Variants in SYNPR observed in about 807,000 individuals in gnomAD.
The protein encoded by SYNPR is synaptoporin.
In SYNPR, 23 loss-of-function variants were observed where a neutral mutation model predicts 32.9. The observed-to-expected ratio is 0.70, with a 90% CI of 0.50 to 0.99. The LOEUF is 0.99. SYNPR is among the 50% of genes least tolerant of loss of function. The probability of loss-of-function intolerance (pLI) is 0.00; values close to 1 mark genes in which losing one functional copy is unlikely to be tolerated. For missense variants in SYNPR, 318 were observed against 349.3 expected (o/e 0.91, Z 0.71); for synonymous variants, 146 against 135.9 (o/e 1.07, Z -0.52).
intron 2 of SYNPR, among the ~76,000 whole-genome samples, chr3:63,341,466 C>T (rs761059216): frequency 1.3e-5 from 2 of 152,178 alleles, no homozygotes; most frequent in Non-Finnish European, 2.9e-5. Flanking sequence ...TTTGTGTCTC[C>T]ACCATCAGTG....
At chr3:63,546,378 G>C (rs1175418599) in intron 3 of SYNPR, among the ~76,000 whole-genome samples, 1 of 152,036 alleles carries the variant, frequency 6.6e-6, no homozygotes, top group Non-Finnish European at 1.5e-5. Flanking sequence ...CCAAACTGTA[G>C]GGAGGAGTGA....
At chr3:63,326,962 T>C (rs1346076276) in intron 2 of SYNPR, among the ~76,000 whole-genome samples, 1 of 151,876 alleles carries the variant, frequency 6.6e-6, no homozygotes, top group Non-Finnish European at 1.5e-5. Flanking sequence ...AAGCCAATAA[T>C]AATACTTTCT....
intron 2 of SYNPR, among the ~76,000 whole-genome samples, chr3:63,369,942 G>C (rs959082755): frequency 6.6e-6 from 1 of 152,072 alleles, no homozygotes; most frequent in African/African-American, 2.4e-5. Context: ...GCTTCTTCAG[G>C]TTCTCGTCTT....
At chr3:63,529,508 T>C (rs1264151283) in intron 3 of SYNPR, among the ~76,000 whole-genome samples, 1 of 152,160 alleles carries the variant, frequency 6.6e-6, no homozygotes, top group African/African-American at 2.4e-5. Flanking sequence ...AGAGATTCTG[T>C]GGCTTCCCCG....
intron 2 of SYNPR, among the ~76,000 whole-genome samples, chr3:63,281,918 C>T (rs568216158): frequency 6.6e-6 from 1 of 152,280 alleles, no homozygotes; most frequent in Admixed American, 6.5e-5. Flanking sequence ...GATGGTGGCT[C>T]ATGCCTATAA....
intron 3 of SYNPR, among the ~76,000 whole-genome samples, chr3:63,531,890 C>G (rs987730789): frequency 6.6e-6 from 1 of 152,126 alleles, no homozygotes; most frequent in Non-Finnish European, 1.5e-5. Context: ...TTAGAAATCC[C>G]ATTGAAATTT....
chr3:63,487,601 C>G (rs553644933), intron 3 of SYNPR, among the ~76,000 whole-genome samples: 2 of 152,184 alleles, frequency 1.3e-5, no homozygotes, highest in African/African-American at 4.8e-5. Context: ...TTCCCCAACC[C>G]TGCCTCTGCC....
intron 4 of SYNPR, among the ~76,000 whole-genome samples, chr3:63,561,223 G>A (rs900490128): frequency 6.6e-6 from 1 of 152,176 alleles, no homozygotes; most frequent in African/African-American, 2.4e-5. Context: ...TTGTAGGGAA[G>A]TGACAAGGAC....
rs181694772 is a variant in SYNPR, at chr3:63,563,833, G to T, written c.408+7092G>T. On this transcript the variant is annotated intron_variant, in intron 4 of 5. Coordinates refer to ENST00000478300, the MANE Select transcript of SYNPR (RefSeq NM_001130003.2). ...AGGAGGTGCATAATCTTGCCTAGAA[G>T]TGAGGGCATGCCCTTTTCAGGTCTC... Among the ~76,000 whole-genome samples the T allele has an allele frequency of 1.1e-4, 17 of 152,206 alleles. No homozygotes were observed. In the East Asian group the frequency reaches 3.3e-3, roughly 29 times the overall value.
chr3:63,452,937 C>T (rs995838602), intron 2 of SYNPR, among the ~76,000 whole-genome samples: 1 of 152,096 alleles, frequency 6.6e-6, no homozygotes, highest in Non-Finnish European at 1.5e-5. Context: ...TAAAATGGAA[C>T]TTTGTATGTA....
At chr3:63,587,050 T>C (rs186314566) in intron 4 of SYNPR, among the ~76,000 whole-genome samples, 79 of 152,138 alleles carry the variant, frequency 5.2e-4, no homozygotes, top group African/African-American at 1.9e-3. Context: ...ACACTTTAGG[T>C]TGGAAAAGTT....
chr3:63,314,889 C>T (rs954902118), intron 2 of SYNPR, among the ~76,000 whole-genome samples: 1 of 151,968 alleles, frequency 6.6e-6, no homozygotes, highest in African/African-American at 2.4e-5. Context: ...TCATCTAAAT[C>T]CAGCTTGAGT....
intron 2 of SYNPR, among the ~76,000 whole-genome samples, chr3:63,411,390 T>C (rs1306435957): frequency 6.6e-6 from 1 of 152,100 alleles, no homozygotes; most frequent in African/African-American, 2.4e-5. Context: ...GGCTCCACGC[T>C]AGGCAGTGGT....
At position 63,369,497 on chromosome 3, in the gene SYNPR, AATAAC is replaced by A. The variant is rs2087769708; in HGVS notation, c.84+90760_84+90764del. 2.6e-5 allele frequency among the ~76,000 whole-genome samples: 4 copies of A among 152,332 alleles called. No homozygotes were observed. The South Asian group carries it at 8.3e-4, about 32-fold the overall frequency. On this transcript the variant is annotated intron_variant, in intron 2 of 5. Transcript: ENST00000478300. ...TAAAACAATTAAATGCTTATGGCCAAATAACATAAGCTATGTGATATTTCTTTATC... is the reference window on the plus strand; with the variant it reads ...TAAAACAATTAAATGCTTATGGCCAAATAAGCTATGTGATATTTCTTTATC...
In SYNPR at chr3:63,616,112, T is replaced by G. The variant is rs938605024; in HGVS notation, c.*631T>G. Reference sequence around the variant, plus strand: ...TCAAATGGATATTTATAGGAATATATTCACTACTTTGTATACTTTGCAAAT... The same window carrying G: ...TCAAATGGATATTTATAGGAATATAGTCACTACTTTGTATACTTTGCAAAT... On this transcript the variant is annotated 3_prime_UTR_variant, in exon 6 of 6. Coordinates refer to ENST00000478300, the MANE Select transcript of SYNPR (RefSeq NM_001130003.2). 2 of 152,262 alleles carry G rather than the reference T, an allele frequency of 1.3e-5. No individual in the cohort carries two copies. Among genetic ancestry groups the G allele is most frequent in the African/African-American group, 4.8e-5 (2 of 41,468 alleles). The allele number at this position is 152,262 out of a possible 1,614,324, so 9.4% of individuals were successfully genotyped here.
intron 2 of SYNPR, among the ~76,000 whole-genome samples, chr3:63,361,861 A>T (rs1273612429): frequency 1.3e-5 from 2 of 152,192 alleles, no homozygotes; most frequent in African/African-American, 4.8e-5. Flanking sequence ...ATTGTCCTGT[A>T]AAATAAGAAA....
At chr3:63,339,262 G>A (rs952977055) in intron 2 of SYNPR, among the ~76,000 whole-genome samples, 12 of 152,148 alleles carry the variant, frequency 7.9e-5, no homozygotes, top group African/African-American at 2.9e-4. Flanking sequence ...ACAAAGAGAG[G>A]CAACATCTCT....
chr3:63,586,661 T>C (rs928865363), intron 4 of SYNPR, among the ~76,000 whole-genome samples: 1 of 150,174 alleles, frequency 6.7e-6, no homozygotes, highest in African/African-American at 2.4e-5. Context: ...TCAATGTGTG[T>C]GTGTGTGTGT....
chr3:63,207,667 T>C, the SYNPR span, among the ~76,000 whole-genome samples: 1 of 152,130 alleles, frequency 6.6e-6, no homozygotes, highest in African/African-American at 2.4e-5. Context: ...AAGTCAAATA[T>C]TTCATTAGAA....
Sources: allele counts gnomAD v4.1 joint callset (sites outside exome capture counted in the v4.1 genomes callset), GRCh38; gene constraint gnomAD v4.1.1; transcripts MANE v1.5; gene names NCBI Gene and HGNC (gene_info 2026-07-23, HGNC 2026-07-21).